CDK14: variants seen among roughly 807,000 people sequenced by gnomAD.
The protein encoded by CDK14 is cyclin dependent kinase 14.
In CDK14, 34 loss-of-function variants were observed where a neutral mutation model predicts 60.7. That is an observed-to-expected ratio of 0.56 (90% CI 0.43 to 0.75). The LOEUF (loss-of-function observed/expected upper bound fraction) is 0.75, where lower values mean the gene tolerates loss of function less well. CDK14 is among the 30% of genes least tolerant of loss of function. CDK14 has a pLI of 0.00. For synonymous variants in CDK14, 197 were observed against 203.7 expected, an observed-to-expected ratio of 0.97 and a Z score of 0.28; for missense variants, 482 against 564.1, an observed-to-expected ratio of 0.85 and a Z score of 1.47.
chr7:90,602,886 A>G (rs1249107778), intron 1 of CDK14, among the ~76,000 whole-genome samples: 2 of 152,238 alleles, frequency 1.3e-5, no homozygotes, highest in Non-Finnish European at 2.9e-5. Context: ...ACTCACCGCA[A>G]TCACATTCTT....
At chr7:90,664,262 A>T (rs1800926277) in intron 2 of CDK14, among the ~76,000 whole-genome samples, 1 of 152,216 alleles carries the variant, frequency 6.6e-6, no homozygotes, top group African/African-American at 2.4e-5. Flanking sequence ...CCAGTTAGAA[A>T]GGCAATCATT....
chr7:90,835,296 GT>G lies in CDK14; in HGVS notation c.545-27878del, dbSNP rs1175910923. Among the ~76,000 whole-genome samples the G allele has an allele frequency of 2.0e-5, 3 of 152,226 alleles. No individual in the cohort carries two copies. In the East Asian group the frequency reaches 5.8e-4, roughly 29 times the overall value. On this transcript the variant is annotated intron_variant, in intron 5 of 14. Transcript: ENST00000380050. The stretch of plus-strand genomic sequence containing the variant: ...AAATGATTGTTAAGCGTGGGTAAGT[GT>G]GGCAGGTGGGGAGTGGAGAACTTGA...
intron 14 of CDK14, among the ~76,000 whole-genome samples, chr7:91,167,099 C>G (rs1801369197): frequency 6.6e-6 from 1 of 152,124 alleles, no homozygotes; most frequent in South Asian, 2.1e-4. Flanking sequence ...AAGACAATCT[C>G]TGAGTTTATT....
chr7:90,809,245 G>A (rs1455058122), intron 5 of CDK14, among the ~76,000 whole-genome samples: 1 of 152,020 alleles, frequency 6.6e-6, no homozygotes, highest in East Asian at 1.9e-4. Context: ...AGCAACTGTA[G>A]AAGAACAGAA....
chr7:90,736,847 C>T (rs1408369066), intron 3 of CDK14, among the ~76,000 whole-genome samples: 2 of 152,050 alleles, frequency 1.3e-5, no homozygotes, highest in African/African-American at 2.4e-5. Flanking sequence ...ACATACAGGC[C>T]ATTATATATT....
At chr7:91,057,016 G>C (rs1479708116) in intron 11 of CDK14, among the ~76,000 whole-genome samples, 1 of 152,050 alleles carries the variant, frequency 6.6e-6, no homozygotes, top group Non-Finnish European at 1.5e-5. Flanking sequence ...CTAGTTTACA[G>C]TCCCACCAAC....
At chr7:91,068,753 A>C (rs574559296) in intron 11 of CDK14, among the ~76,000 whole-genome samples, 10 of 144,080 alleles carry the variant, frequency 6.9e-5, no homozygotes, top group Non-Finnish European at 1.3e-4. Flanking sequence ...CCTGCTTCCA[A>C]CCTTGCCTTC....
At chr7:90,806,453 T>C (rs977472970) in intron 5 of CDK14, among the ~76,000 whole-genome samples, 1 of 152,166 alleles carries the variant, frequency 6.6e-6, no homozygotes, top group Non-Finnish European at 1.5e-5. Context: ...ATGGGGAATT[T>C]ATTTGAATAG....
At chr7:90,743,502 A>C (rs914267579) in intron 3 of CDK14, among the ~76,000 whole-genome samples, 1 of 152,152 alleles carries the variant, frequency 6.6e-6, no homozygotes, top group African/African-American at 2.4e-5. Context: ...ATTTGAATAC[A>C]TATATTAATT....
At chr7:91,149,624 A>G (rs552315061) in intron 14 of CDK14, among the ~76,000 whole-genome samples, 1 of 152,290 alleles carries the variant, frequency 6.6e-6, no homozygotes, top group East Asian at 1.9e-4. Flanking sequence ...TCTTGGCCCC[A>G]TATCTGTCTC....
chr7:90,787,101 G>A (rs1043167928), intron 4 of CDK14, among the ~76,000 whole-genome samples: 2 of 152,114 alleles, frequency 1.3e-5, no homozygotes, highest in Non-Finnish European at 2.9e-5. Context: ...GTTGAGACAC[G>A]TAGATAAAAA....
rs1224707886 is a variant in CDK14, at chr7:91,209,482, A to G, written c.*2346A>G. On this transcript the variant is annotated 3_prime_UTR_variant, in exon 15 of 15. Coordinates refer to ENST00000380050, the MANE Select transcript of CDK14 (RefSeq NM_001287135.2). Reference sequence around the variant, plus strand: ...CTCTCTCCTTCCCCTATTTGCAATCATATTCTCCCTCTGCTTCTTTTCTCT... The same window carrying G: ...CTCTCTCCTTCCCCTATTTGCAATCGTATTCTCCCTCTGCTTCTTTTCTCT... 6.7e-6 allele frequency: 1 copy of G among 149,690 alleles called. No homozygotes were observed. The highest frequency in any genetic ancestry group is 1.5e-5 in the Non-Finnish European group (1 of 67,682). The allele number at this position is 149,690 out of a possible 1,614,324, so 9.3% of individuals were successfully genotyped here.
chr7:90,657,758 C>T (rs140960211), intron 2 of CDK14, among the ~76,000 whole-genome samples: 132 of 152,256 alleles, frequency 8.7e-4, no homozygotes, highest in African/African-American at 3.0e-3. Flanking sequence ...AACTTAACAA[C>T]GACAGCAAAA....
At chr7:91,062,163 A>G (rs893243736) in intron 11 of CDK14, among the ~76,000 whole-genome samples, 3 of 152,094 alleles carry the variant, frequency 2.0e-5, no homozygotes, top group African/African-American at 4.8e-5. Flanking sequence ...TGTGCTAGCA[A>G]TGACCGAGGC....
rs920736503 is a variant in CDK14, at chr7:90,785,781, C to T, written c.465-4792C>T. Among the ~76,000 whole-genome samples the T allele has an allele frequency of 8.0e-5, 8 of 100,416 alleles. No individual in the cohort carries two copies. The South Asian group carries it at 1.5e-3, about 18-fold the overall frequency. 65.9% of individuals were successfully genotyped at this position (100,416 alleles called of 152,430 possible). On this transcript the variant is annotated intron_variant, in intron 4 of 14. Coordinates refer to ENST00000380050, the MANE Select transcript of CDK14 (RefSeq NM_001287135.2). ...CAGCCTGGGCGGCTGAGTGAGACTC[C>T]GTCTCAAAAAAAAAAAAAAAAAAAA... is the stretch of plus-strand genomic sequence containing the variant.
chr7:90,670,914 C>T (rs1239446518), intron 2 of CDK14, among the ~76,000 whole-genome samples: 1 of 152,078 alleles, frequency 6.6e-6, no homozygotes, highest in Non-Finnish European at 1.5e-5. Context: ...TCTTAATAGT[C>T]CCCCAAAGTC....
intron 5 of CDK14, among the ~76,000 whole-genome samples, chr7:90,819,485 G>GTTTT (rs898527048): frequency 7.0e-6 from 1 of 143,708 alleles, no homozygotes; most frequent in Non-Finnish European, 1.5e-5. Flanking sequence ...TCCCTTTGGA[G>GTTTT]TTTTTTTTTT....
intron 10 of CDK14, among the ~76,000 whole-genome samples, chr7:90,999,366 A>T (rs1371636774): frequency 6.6e-6 from 1 of 151,916 alleles, no homozygotes; most frequent in Non-Finnish European, 1.5e-5. Flanking sequence ...AGGTGGGCAG[A>T]TCATGAGGTC....
At chr7:91,081,006 T>C (rs1798469718) in intron 12 of CDK14, among the ~76,000 whole-genome samples, 1 of 152,224 alleles carries the variant, frequency 6.6e-6, no homozygotes, top group Non-Finnish European at 1.5e-5. Flanking sequence ...TGAACATGAC[T>C]TGTTTAGAAC....
Sources: gnomAD v4.1 joint callset for allele counts (sites outside exome capture counted in the v4.1 genomes callset) on GRCh38, gnomAD v4.1.1 for gene constraint, MANE v1.5 for transcripts, NCBI Gene and HGNC (gene_info 2026-07-23, HGNC 2026-07-21) for gene names.